Variants in PTPRN2 observed in about 807,000 individuals in gnomAD.
PTPRN2 encodes receptor-type tyrosine-protein phosphatase N2.
Under a neutral mutation model 118.8 loss-of-function variants are expected in PTPRN2, and 74 were observed. The ratio of observed to expected loss-of-function variants is 0.62; its 90% CI spans 0.52 to 0.76. PTPRN2 has a LOEUF of 0.76. Among genes scored for constraint, PTPRN2 ranks in the 30% least tolerant of loss-of-function variants. The probability of loss-of-function intolerance (pLI) is 0.00; values close to 1 mark genes in which losing one functional copy is unlikely to be tolerated. For synonymous variants in PTPRN2, 641 were observed against 608.0 expected, an observed-to-expected ratio of 1.05 and a Z score of -0.80; for missense variants, 1,481 against 1,394.4, an observed-to-expected ratio of 1.06 and a Z score of -0.99.
chr7:158,456,978 A>G (rs960079229), intron 2 of PTPRN2, among the ~76,000 whole-genome samples: 2 of 152,154 alleles, frequency 1.3e-5, no homozygotes, highest in African/African-American at 2.4e-5. Flanking sequence ...CACCAGCAAC[A>G]TTAGTTAACA....
intron 11 of PTPRN2, among the ~76,000 whole-genome samples, chr7:157,968,943 G>A (rs1802127938): frequency 6.6e-6 from 1 of 152,210 alleles, no homozygotes; most frequent in Admixed American, 6.5e-5. Flanking sequence ...CGGCTCAGTG[G>A]AAGGTGCCGA....
intron 10 of PTPRN2, among the ~76,000 whole-genome samples, chr7:158,106,786 G>T (rs1009591360): frequency 1.3e-5 from 2 of 152,162 alleles, no homozygotes; most frequent in Admixed American, 6.5e-5. Context: ...CACTAAAGAT[G>T]AAGTAGGCAA....
intron 21 of PTPRN2, among the ~76,000 whole-genome samples, chr7:157,556,423 GCACA>G (rs1384968748): frequency 8.0e-5 from 11 of 137,350 alleles, no homozygotes; most frequent in Non-Finnish European, 1.7e-4. Context: ...ATACGCACAT[GCACA>G]CACACACAGG....
chr7:158,267,228 G>A (rs540984659), intron 3 of PTPRN2, among the ~76,000 whole-genome samples: 26 of 152,334 alleles, frequency 1.7e-4, no homozygotes, highest in African/African-American at 5.3e-4. Flanking sequence ...CTTGTTAGCC[G>A]AGCAGCGAGG....
rs1475651153 is a variant in PTPRN2, at chr7:157,853,950, C to A, written c.1788+44723G>T. On this transcript the variant is annotated intron_variant, in intron 12 of 22. Transcript: ENST00000389418. Reference sequence around the variant, plus strand: ...CACGGGGCAGCCACAGGGAACACCGCGTGAAGACGGAGACGGCACCCACAA... The same window carrying A: ...CACGGGGCAGCCACAGGGAACACCGAGTGAAGACGGAGACGGCACCCACAA... 2.0e-5 allele frequency among the ~76,000 whole-genome samples: 3 copies of A among 152,282 alleles called. No individual in the cohort carries two copies. The East Asian group carries it at 5.8e-4, about 29-fold the overall frequency.
intron 3 of PTPRN2, among the ~76,000 whole-genome samples, chr7:158,270,799 C>CG (rs1563067485): frequency 7.2e-5 from 3 of 41,868 alleles, no homozygotes; most frequent in African/African-American, 1.3e-4. Context: ...CCACCTGGAC[C>CG]ACCCCCTCAC....
intron 2 of PTPRN2, among the ~76,000 whole-genome samples, chr7:158,350,210 C>T (rs1257164462): frequency 6.6e-6 from 1 of 152,174 alleles, no homozygotes; most frequent in East Asian, 1.9e-4. Flanking sequence ...ACCCTGAGGC[C>T]CTAAGAGTTG....
chr7:157,791,560 C>A (rs1004714940), intron 12 of PTPRN2, among the ~76,000 whole-genome samples: 2 of 148,736 alleles, frequency 1.3e-5, no homozygotes, highest in African/African-American at 5.0e-5. Context: ...CCTGCCCCCC[C>A]TCCCTGCACC....
intron 3 of PTPRN2, among the ~76,000 whole-genome samples, chr7:158,276,166 T>C (rs1798948183): frequency 6.6e-6 from 1 of 151,892 alleles, no homozygotes; most frequent in South Asian, 2.1e-4. Flanking sequence ...CTTGTCCACC[T>C]GGAAAGCCTC....
chr7:158,210,800 A>C (rs1827536641), intron 3 of PTPRN2, among the ~76,000 whole-genome samples: 1 of 152,202 alleles, frequency 6.6e-6, no homozygotes, highest in South Asian at 2.1e-4. Context: ...ATCAATAACA[A>C]ATAATGAGAT....
chr7:157,860,081 T>C (rs1171681508), intron 12 of PTPRN2, among the ~76,000 whole-genome samples: 2 of 152,124 alleles, frequency 1.3e-5, no homozygotes, highest in African/African-American at 2.4e-5. Flanking sequence ...AGAGACAGCA[T>C]GCGGCTTCGT....
chr7:157,804,734 A>G (rs978344197), intron 12 of PTPRN2, among the ~76,000 whole-genome samples: 4 of 152,018 alleles, frequency 2.6e-5, no homozygotes, highest in African/African-American at 7.3e-5. Context: ...CCACCCACCC[A>G]CCATTCAGCA....
At chr7:157,694,009 G>A (rs1359212577) in intron 12 of PTPRN2, among the ~76,000 whole-genome samples, 2 of 152,394 alleles carry the variant, frequency 1.3e-5, no homozygotes, top group East Asian at 1.9e-4. Context: ...CACGGGGCCG[G>A]CGACCCCAGA....
At chr7:157,835,469 C>A (rs962595900) in intron 12 of PTPRN2, among the ~76,000 whole-genome samples, 1 of 152,098 alleles carries the variant, frequency 6.6e-6, no homozygotes, top group Admixed American at 6.6e-5. Context: ...TCGAGAATCA[C>A]GAGCAAAGCA....
In PTPRN2 at chr7:158,079,144, A is replaced by G. The variant is rs117043421; in HGVS notation, c.1723+2154T>C. On this transcript the variant is annotated intron_variant, in intron 11 of 22. Transcript: ENST00000389418. ...AGGTGTGAGCCACTGCACCCGGCCA[A>G]TCTGTTTCTTATATAGCATCAGGCA... is the stretch of plus-strand genomic sequence containing the variant. Among the ~76,000 whole-genome samples the G allele has an allele frequency of 7.6e-4, 116 of 152,318 alleles. 1 individual carries two copies. The East Asian group carries it at 0.019, about 26-fold the overall frequency.
chr7:158,326,239 C>T (rs901149505), intron 2 of PTPRN2, among the ~76,000 whole-genome samples: 4 of 152,218 alleles, frequency 2.6e-5, no homozygotes, highest in Non-Finnish European at 4.4e-5. Context: ...CCAGAGGCTG[C>T]GGTCACCCAG....
chr7:157,785,708 G>C lies in PTPRN2; in HGVS notation c.1789-102771C>G, dbSNP rs1231626792. Among the ~76,000 whole-genome samples the C allele has an allele frequency of 6.6e-6, 1 of 152,172 alleles. No homozygotes were observed. Among genetic ancestry groups the C allele is most frequent in the African/African-American group, 2.4e-5 (1 of 41,444 alleles). On this transcript the variant is annotated intron_variant, in intron 12 of 22. Transcript: ENST00000389418. This position sits in a 1 kb window ranked among gnomAD's most constrained non-coding sequence, Gnocchi z 7.3. The stretch of plus-strand genomic sequence containing the variant: ...GGGGAGCCTGCTCAGAGATGGGCAT[G>C]GGGCCGGCCTGGGAAGCATGGCGGG...
chr7:157,743,788 A>T (rs928689591), intron 12 of PTPRN2, among the ~76,000 whole-genome samples: 1 of 151,560 alleles, frequency 6.6e-6, no homozygotes, highest in East Asian at 1.9e-4. Context: ...GGCTGGGATA[A>T]CAATCTCCAG....
At chr7:157,612,448 G>A (rs1278156210) in intron 15 of PTPRN2, among the ~76,000 whole-genome samples, 3 of 152,196 alleles carry the variant, frequency 2.0e-5, no homozygotes, top group Non-Finnish European at 4.4e-5. Flanking sequence ...CCTCCAAGGA[G>A]CTGAAACTAG....
Sources: allele counts gnomAD v4.1 joint callset (sites outside exome capture counted in the v4.1 genomes callset), GRCh38; gene constraint gnomAD v4.1.1; non-coding constraint Gnocchi (gnomAD v3.1); transcripts MANE v1.5; gene names NCBI Gene and HGNC (gene_info 2026-07-23, HGNC 2026-07-21).